The following MAP2K4 variants were observed in gnomAD, a reference collection of about 807,000 sequenced individuals.
MAP2K4 encodes the protein dual specificity mitogen-activated protein kinase kinase 4.
A neutral mutation model predicts 48.5 loss-of-function variants in MAP2K4; 4 were observed. That is an observed-to-expected ratio of 0.08 (90% confidence interval 0.04 to 0.19). MAP2K4 has a LOEUF of 0.19. Ranked by LOEUF, MAP2K4 falls within the 10% of genes least tolerant of loss-of-function variation. The probability of loss-of-function intolerance (pLI) is 1.00; values close to 1 mark genes in which losing one functional copy is unlikely to be tolerated. For missense variants in MAP2K4, 258 were observed against 493.3 expected, an observed-to-expected ratio of 0.52 and a Z score of 4.52; for synonymous variants, 166 against 173.1, an observed-to-expected ratio of 0.96 and a Z score of 0.32.
At chr17:12,076,793 T>A (rs1347456095) in intron 2 of MAP2K4, among the ~76,000 whole-genome samples, 1 of 152,120 alleles carries the variant, frequency 6.6e-6, no homozygotes. Flanking sequence ...AATTATTAGA[T>A]GTGGAATAGT....
Position 12,029,812 on chromosome 17 carries a change from A to G in MAP2K4, c.115+8811A>G, listed in dbSNP as rs1307958605. On this transcript the variant is annotated intron_variant, in intron 1 of 10. Transcript: ENST00000353533. ...AAGTTAGCCAGACATAGTGGCTTGCACCTGCTGAGATGAGAGGATTGCTTG... is the reference window on the plus strand; with the variant it reads ...AAGTTAGCCAGACATAGTGGCTTGCGCCTGCTGAGATGAGAGGATTGCTTG... 3.3e-5 allele frequency among the ~76,000 whole-genome samples: 5 copies of G among 151,908 alleles called. No homozygotes were observed. The South Asian group carries it at 8.3e-4, about 25-fold the overall frequency.
intron 9 of MAP2K4, among the ~76,000 whole-genome samples, chr17:12,129,697 C>G (rs1347931711): frequency 6.6e-6 from 1 of 152,194 alleles, no homozygotes; most frequent in Non-Finnish European, 1.5e-5. Context: ...AGGGTTGGAT[C>G]TCTGTTCTGA....
chr17:12,119,193 C>T (rs372000077), intron 7 of MAP2K4, among the ~76,000 whole-genome samples: 12 of 152,248 alleles, frequency 7.9e-5, no homozygotes, highest in Admixed American at 3.9e-4. Flanking sequence ...AAGAAACTAT[C>T]AACAGAGTAA....
chr17:12,030,558 G>A (rs1406786290), intron 1 of MAP2K4, among the ~76,000 whole-genome samples: 1 of 152,170 alleles, frequency 6.6e-6, no homozygotes, highest in Non-Finnish European at 1.5e-5. Flanking sequence ...AGCTTTTAAT[G>A]TGTTAGAGCA....
chr17:12,129,104 G>C, intron 8 of MAP2K4, 35 bp from the exon 9 acceptor site: 1 of 1,607,096 alleles, frequency 6.2e-7, no homozygotes, highest in Non-Finnish European at 8.5e-7. Flanking sequence ...AATGATGCCT[G>C]GTGTATTTTG....
At chr17:12,026,855 T>TG (rs1969268720) in intron 1 of MAP2K4, 1 of 152,228 alleles carries the variant, frequency 6.6e-6, no homozygotes, top group East Asian at 1.9e-4. Context: ...CATGTTACAA[T>TG]GTTCTAAACT....
intron 7 of MAP2K4, chr17:12,115,672 G>T: frequency 1.3e-6 from 1 of 756,272 alleles, no homozygotes; most frequent in Non-Finnish European, 2.5e-6. Context: ...TGAACCAGTG[G>T]AACACAAATG....
At chr17:12,095,105 T>C (rs2151561067) in intron 3 of MAP2K4, among the ~76,000 whole-genome samples, 1 of 152,302 alleles carries the variant, frequency 6.6e-6, no homozygotes, top group African/African-American at 2.4e-5. Context: ...ATGAGGACAC[T>C]GTGGTATGAG....
intron 7 of MAP2K4, 26 bp downstream of exon 7, chr17:12,113,386 G>C: frequency 6.2e-7 from 1 of 1,609,296 alleles, no homozygotes; most frequent in Non-Finnish European, 8.5e-7. Flanking sequence ...AGGCCTTCTT[G>C]CTTGATAGTC....
chr17:12,132,960 G>A (rs1973079434), intron 9 of MAP2K4, among the ~76,000 whole-genome samples: 1 of 152,148 alleles, frequency 6.6e-6, no homozygotes, highest in African/African-American at 2.4e-5. Context: ...TTTCGACATG[G>A]CATTCTGGAG....
chr17:12,055,187 A>C (rs1048586162), intron 2 of MAP2K4, among the ~76,000 whole-genome samples, 196 bp downstream of exon 2: 1 of 152,128 alleles, frequency 6.6e-6, no homozygotes, highest in African/African-American at 2.4e-5. Context: ...TCTTCTGTCC[A>C]ACTGTACAAA....
intron 1 of MAP2K4, chr17:12,032,329 T>G (rs763246539): frequency 1.8e-4 from 220 of 1,215,176 alleles, no homozygotes; most frequent in Non-Finnish European, 3.2e-5. Flanking sequence ...TATTATGCTA[T>G]TTATTTTTTT....
At chr17:12,057,710 T>C (rs947158822) in intron 2 of MAP2K4, among the ~76,000 whole-genome samples, 4 of 152,080 alleles carry the variant, frequency 2.6e-5, no homozygotes, top group African/African-American at 9.7e-5. Context: ...TAAAAAAAAA[T>C]GTGTTCCGTC....
At chr17:12,044,690 T>C (rs972238809) in intron 1 of MAP2K4, among the ~76,000 whole-genome samples, 8 of 152,214 alleles carry the variant, frequency 5.3e-5, no homozygotes, top group African/African-American at 1.9e-4. Context: ...TCCAGTTCAA[T>C]TATCACACAG....
At chr17:12,056,836 G>GTTC (rs1970296206) in intron 2 of MAP2K4, among the ~76,000 whole-genome samples, 1 of 152,070 alleles carries the variant, frequency 6.6e-6, no homozygotes, top group South Asian at 2.1e-4. Context: ...TTTAGGATGA[G>GTTC]TACTTGCAAT....
rs1973406299 is a variant in MAP2K4 at position 12,142,606 on chromosome 17, A to G, written c.*1346A>G. On this transcript the variant is annotated 3_prime_UTR_variant, in exon 11 of 11. Transcript: ENST00000353533. ...CACATTGGACCAGATGAGGATCCGA[A>G]ACGGCAGCCTTTACGTTCATCACCT... 8.6e-6 allele frequency: 2 copies of G among 233,020 alleles called. No individual in the cohort carries two copies. Among genetic ancestry groups the G allele is most frequent in the Non-Finnish European group, 1.7e-5 (2 of 117,974 alleles). The allele number at this position is 233,020 out of a possible 1,614,324, so 14.4% of individuals were successfully genotyped here. A position where few individuals can be genotyped will look rare whatever the true frequency, so the allele number is the denominator to read the frequency against.
chr17:12,041,036 CTGTA>C (rs1284159688), intron 1 of MAP2K4, among the ~76,000 whole-genome samples: 2 of 152,252 alleles, frequency 1.3e-5, no homozygotes, highest in African/African-American at 4.8e-5. Context: ...CTCTCATGTA[CTGTA>C]TACACATGAA....
chr17:12,030,032 A>AT (rs1719903639), intron 1 of MAP2K4, among the ~76,000 whole-genome samples: 1 of 152,054 alleles, frequency 6.6e-6, no homozygotes, highest in Admixed American at 6.6e-5. Context: ...AGTTTTCCTC[A>AT]TTTTTCCTTC....
intron 9 of MAP2K4, among the ~76,000 whole-genome samples, chr17:12,137,386 T>C (rs1973240751): frequency 6.6e-6 from 1 of 152,136 alleles, no homozygotes; most frequent in Admixed American, 6.5e-5. Flanking sequence ...ATATTTAGGA[T>C]GCTCAAGGAA....
Sources: gnomAD v4.1 joint callset for allele counts (sites outside exome capture counted in the v4.1 genomes callset) on GRCh38, gnomAD v4.1.1 for gene constraint, MANE v1.5 for transcripts, NCBI Gene and HGNC (gene_info 2026-07-23, HGNC 2026-07-21) for gene names.